Variants in RBFOX1 observed in about 807,000 individuals in gnomAD.
RBFOX1 encodes the protein RNA binding protein fox-1 homolog 1.
In RBFOX1, 8 loss-of-function variants were observed where a neutral mutation model predicts 57.7. The observed-to-expected ratio is 0.14, with a 90% CI of 0.08 to 0.25. RBFOX1 has a LOEUF of 0.25. Ranked by LOEUF, RBFOX1 falls within the 10% of genes least tolerant of loss-of-function variation. The pLI, the probability that RBFOX1 is intolerant of heterozygous loss-of-function variation, is 1.00. For missense variants in RBFOX1, 611 were observed against 548.5 expected (o/e 1.11, Z -1.14); for synonymous variants, 326 against 222.4 (o/e 1.47, Z -4.15).
At chr16:7,441,018 G>A (rs774464073) in intron 4 of RBFOX1, among the ~76,000 whole-genome samples, 14 of 151,292 alleles carry the variant, frequency 9.3e-5, no homozygotes, top group Admixed American at 6.6e-5. Flanking sequence ...CTTCAGCATG[G>A]GTGACAGAGG....
At chr16:6,765,495 A>C (rs2077200741) in intron 3 of RBFOX1, among the ~76,000 whole-genome samples, 1 of 151,912 alleles carries the variant, frequency 6.6e-6, no homozygotes, top group African/African-American at 2.4e-5. Context: ...TTTATATAAC[A>C]AACCTGCACA....
At chr16:6,524,444 C>G (rs374283403) in intron 2 of RBFOX1, among the ~76,000 whole-genome samples, 3 of 152,114 alleles carry the variant, frequency 2.0e-5, no homozygotes, top group Non-Finnish European at 2.9e-5. Flanking sequence ...CAGTGTTTAC[C>G]GTAGTTCTAC....
At chr16:6,885,357 C>A (rs1278940165) in intron 3 of RBFOX1, among the ~76,000 whole-genome samples, 2 of 152,082 alleles carry the variant, frequency 1.3e-5, no homozygotes, top group Non-Finnish European at 2.9e-5. Context: ...TTTAAACAAG[C>A]CTTCGGGGGG....
chr16:7,602,083 C>G (rs75704562), intron 9 of RBFOX1, among the ~76,000 whole-genome samples: 9,752 of 152,194 alleles, frequency 0.064, 383 homozygotes, highest in South Asian at 0.16. Flanking sequence ...GAATGCGTTT[C>G]TTTGATATGT....
intron 3 of RBFOX1, among the ~76,000 whole-genome samples, chr16:6,986,640 T>TCCTCTGTCTC (rs1644248779): frequency 1.3e-5 from 2 of 152,154 alleles, no homozygotes. Flanking sequence ...CATTTGCTCA[T>TCCTCTGTCTC]CCTCTGTCTC....
At chr16:5,561,395 C>A (rs935954740) in intron 2 of RBFOX1, among the ~76,000 whole-genome samples, 1 of 151,898 alleles carries the variant, frequency 6.6e-6, no homozygotes, top group Admixed American at 6.6e-5. Context: ...TTAAAAACCC[C>A]CAAATTTGTA....
At chr16:7,670,715 T>C (rs771308525) in intron 13 of RBFOX1, among the ~76,000 whole-genome samples, 5 of 152,152 alleles carry the variant, frequency 3.3e-5, no homozygotes, top group Non-Finnish European at 5.9e-5. Flanking sequence ...TAGGAAAAAG[T>C]ATACACAAGC....
intron 13 of RBFOX1, among the ~76,000 whole-genome samples, chr16:7,665,212 CA>C (rs1232170514): frequency 3.9e-5 from 6 of 152,082 alleles, no homozygotes. Flanking sequence ...GCAATTCCCC[CA>C]AAAAGGTGGC....
At chr16:6,723,116 G>C (rs1184186507) in intron 3 of RBFOX1, among the ~76,000 whole-genome samples, 1 of 152,182 alleles carries the variant, frequency 6.6e-6, no homozygotes, top group Non-Finnish European at 1.5e-5. Flanking sequence ...TTCACAACGT[G>C]TTTGTCTTGG....
intron 3 of RBFOX1, among the ~76,000 whole-genome samples, chr16:6,814,761 G>T (rs1159905189): frequency 6.6e-6 from 1 of 152,014 alleles, no homozygotes; most frequent in Non-Finnish European, 1.5e-5. Context: ...GGGAGAGGTG[G>T]GGCTAGAGTT....
At chr16:7,097,605 C>T (rs1039789283) in intron 4 of RBFOX1, among the ~76,000 whole-genome samples, 2 of 152,194 alleles carry the variant, frequency 1.3e-5, no homozygotes, top group African/African-American at 2.4e-5. Flanking sequence ...CAATTAGATG[C>T]TGTTGCCACT....
intron 1 of RBFOX1, among the ~76,000 whole-genome samples, chr16:5,385,270 C>T (rs955979409): frequency 4.6e-5 from 7 of 152,232 alleles, no homozygotes; most frequent in Admixed American, 1.3e-4. Context: ...TGTGAAGCTA[C>T]TCCCTTCTAG....
chr16:7,432,688 G>C (rs1033691273), intron 4 of RBFOX1, among the ~76,000 whole-genome samples: 1 of 152,186 alleles, frequency 6.6e-6, no homozygotes, highest in Non-Finnish European at 1.5e-5. Context: ...TACCAAAACA[G>C]ATGGTTGGCT....
intron 3 of RBFOX1, among the ~76,000 whole-genome samples, chr16:6,891,511 C>T (rs1279856381): frequency 6.6e-6 from 1 of 151,934 alleles, no homozygotes; most frequent in African/African-American, 2.4e-5. Flanking sequence ...GATATATCAG[C>T]TACATAAACT....
In RBFOX1 at chr16:7,325,702, A is replaced by G. The variant is rs531459303; in HGVS notation, c.28-192445A>G. Among the ~76,000 whole-genome samples, 8 of 152,248 alleles carry G rather than the reference A, an allele frequency of 5.3e-5. No individual in the cohort carries two copies. In the South Asian group the frequency reaches 8.3e-4, roughly 16 times the overall value. ...GTCTGGTGTATCCTGTCCACAGTCT[A>G]TGGAAGCTTTTCCTATATTCCCATC... On this transcript the variant is annotated intron_variant, in intron 4 of 15. Transcript: ENST00000550418.
At chr16:6,813,241 T>G (rs1006749828) in intron 3 of RBFOX1, among the ~76,000 whole-genome samples, 3 of 152,174 alleles carry the variant, frequency 2.0e-5, no homozygotes, top group Non-Finnish European at 2.9e-5. Context: ...ACTTCTCCGG[T>G]TCCCCAGATA....
At chr16:6,759,371 G>T (rs1324173671) in intron 3 of RBFOX1, among the ~76,000 whole-genome samples, 1 of 151,948 alleles carries the variant, frequency 6.6e-6, no homozygotes, top group African/African-American at 2.4e-5. Context: ...GGCTGGTCTT[G>T]AACTCCTGAC....
At chr16:5,639,757 C>G (rs974073298) in intron 3 of RBFOX1, among the ~76,000 whole-genome samples, 1 of 152,184 alleles carries the variant, frequency 6.6e-6, no homozygotes, top group Non-Finnish European at 1.5e-5. Context: ...ACTGAATTTA[C>G]TGGAGTGTCT....
At chr16:6,096,320 C>G (rs969968946) in intron 1 of RBFOX1, among the ~76,000 whole-genome samples, 1 of 152,112 alleles carries the variant, frequency 6.6e-6, no homozygotes, top group Admixed American at 6.5e-5. Context: ...ATAAGTCCTT[C>G]AGGAAAATCG....
Sources: gnomAD v4.1 joint callset for allele counts (sites outside exome capture counted in the v4.1 genomes callset) on GRCh38, gnomAD v4.1.1 for gene constraint, MANE v1.5 for transcripts, NCBI Gene and HGNC (gene_info 2026-07-23, HGNC 2026-07-21) for gene names.